Variants in ATP9A observed in about 807,000 individuals in gnomAD.
ATP9A encodes the protein ATPase phospholipid transporting 9A, also known as probable phospholipid-transporting ATPase IIA.
Under a neutral mutation model 144.1 loss-of-function variants are expected in ATP9A, and 52 were observed. That is an observed-to-expected ratio of 0.36 (90% CI 0.29 to 0.45). The LOEUF (loss-of-function observed/expected upper bound fraction) is 0.45, where lower values mean the gene tolerates loss of function less well. ATP9A is among the 20% of genes least tolerant of loss of function. The probability of loss-of-function intolerance (pLI) is 1.00; values close to 1 mark genes in which losing one functional copy is unlikely to be tolerated. For missense variants in ATP9A, 947 were observed against 1,392.7 expected, an observed-to-expected ratio of 0.68 and a Z score of 5.09; for synonymous variants, 582 against 557.4, an observed-to-expected ratio of 1.04 and a Z score of -0.62.
intron 9 of ATP9A, among the ~76,000 whole-genome samples, chr20:51,678,758 C>T (rs951152313): frequency 6.6e-6 from 1 of 152,206 alleles, no homozygotes; most frequent in African/African-American, 2.4e-5. Flanking sequence ...GCCCCAGTAA[C>T]AAGGGGGACC....
In ATP9A at chr20:51,674,320, G is replaced by T. The variant is rs1396652820; in HGVS notation, c.877-7C>A. ...CCAAGTCGAACAGGCCGATCTGTGGGACGAAGCACAAACCAGGGCTTGAGA... is the reference window on the plus strand; with the variant it reads ...CCAAGTCGAACAGGCCGATCTGTGGTACGAAGCACAAACCAGGGCTTGAGA... On this transcript the variant is annotated splice_region_variant and splice_polypyrimidine_tract_variant and intron_variant, in intron 10 of 27. Transcript: ENST00000338821. 2 of 1,612,502 alleles carry T rather than the reference G, an allele frequency of 1.2e-6. No homozygotes were observed. Among genetic ancestry groups the T allele is most frequent in the East Asian group, 4.5e-5 (2 of 44,848 alleles).
chr20:51,741,777 G>T (rs1012056610), intron 1 of ATP9A, among the ~76,000 whole-genome samples: 3 of 152,000 alleles, frequency 2.0e-5, no homozygotes, highest in Non-Finnish European at 4.4e-5. Flanking sequence ...AGGCAATTTT[G>T]CACCCCCAGG....
rs1568806115 is a variant in ATP9A at position 51,656,991 on chromosome 20, C to T, written c.1453G>A (p.Glu485Lys). 2.5e-6 allele frequency: 4 copies of T among 1,614,084 alleles called. No homozygotes were observed. The highest frequency in any genetic ancestry group is 3.4e-6 in the Non-Finnish European group (4 of 1,180,046). Reference sequence around the variant, plus strand: ...CGGCAGGAGTCTTCGTACTGCTTCTCGGCCTCAGCCTGATCAGTCACACCG... The same window carrying T: ...CGGCAGGAGTCTTCGTACTGCTTCTTGGCCTCAGCCTGATCAGTCACACCG... Reference protein sequence around the residue: ...SNGVTDQAEAEKQYEDSCRVY... With the variant: ...SNGVTDQAEAKKQYEDSCRVY... The change falls in exon 14 of 28, where the codon GAG becomes AAG. Residue 485 changes from glutamate (E) to lysine (K), a missense_variant. Coordinates refer to ENST00000338821, the MANE Select transcript of ATP9A (RefSeq NM_006045.3).
intron 19 of ATP9A, among the ~76,000 whole-genome samples, chr20:51,621,372 AG>A (rs2077226371): frequency 6.6e-6 from 1 of 152,094 alleles, no homozygotes; most frequent in African/African-American, 2.4e-5. Flanking sequence ...AGGCGGGGTG[AG>A]GGCGAGACCC....
chr20:51,675,542 AACAC>A (rs2077473324), intron 10 of ATP9A, among the ~76,000 whole-genome samples: 1 of 152,236 alleles, frequency 6.6e-6, no homozygotes, highest in Admixed American at 6.5e-5. Flanking sequence ...TGAAGGGTGA[AACAC>A]AAGGCGTGCA....
At chr20:51,734,003 G>T (rs1429039386) in intron 1 of ATP9A, among the ~76,000 whole-genome samples, 1 of 151,906 alleles carries the variant, frequency 6.6e-6, no homozygotes, top group Non-Finnish European at 1.5e-5. Flanking sequence ...TTAAGATGGG[G>T]TCTCACTCTG....
rs1568853697 is a variant in ATP9A at position 51,768,313 on chromosome 20, C to G, written c.57G>C (p.Arg19Ser). The change falls in exon 1 of 28, where the codon AGG becomes AGC. Residue 19 changes from arginine to serine, a missense_variant. Arg to Ser is a moderately radical substitution (Grantham distance 110, BLOSUM62 -1). This residue lies in a region of ATP9A where 770 missense variants were observed against 1,047.9 expected (regional missense o/e 0.73). Transcript: ENST00000338821. ...PVRQKKRMDS[R>S]PRAGCCEWLR... Reference sequence around the variant, plus strand: ...CCAGGCCCACTCACCCGGCGCGGGGCCTGCTGTCCATCCGCTTCTTCTGGC... The same window carrying G: ...CCAGGCCCACTCACCCGGCGCGGGGGCTGCTGTCCATCCGCTTCTTCTGGC... 1.5e-6 allele frequency: 2 copies of G among 1,309,862 alleles called. No individual in the cohort carries two copies. Among genetic ancestry groups the G allele is most frequent in the East Asian group, 3.2e-5 (1 of 31,370 alleles). The allele number at this position is 1,309,862 out of a possible 1,614,324, so 81.1% of individuals were successfully genotyped here.
chr20:51,710,285 A>G (rs1601119425), intron 4 of ATP9A, among the ~76,000 whole-genome samples: 1 of 150,704 alleles, frequency 6.6e-6, no homozygotes, highest in Non-Finnish European at 1.5e-5. Context: ...CTTGGGCAAC[A>G]AGAGCGAAAC....
chr20:51,761,074 T>G (rs1209730653), intron 1 of ATP9A, among the ~76,000 whole-genome samples: 2 of 152,154 alleles, frequency 1.3e-5, no homozygotes, highest in East Asian at 3.9e-4. Flanking sequence ...GAGTCCTACC[T>G]AACACCACCT....
intron 18 of ATP9A, among the ~76,000 whole-genome samples, chr20:51,624,545 T>C (rs898626293): frequency 6.6e-6 from 1 of 152,090 alleles, no homozygotes; most frequent in African/African-American, 2.4e-5. Flanking sequence ...GGTCACTCAC[T>C]CACTTGGCCA....
At chr20:51,618,557 C>CT (rs2077212806) in intron 21 of ATP9A, 105 bp downstream of exon 21, 3 of 1,455,446 alleles carry the variant, frequency 2.1e-6, no homozygotes, top group Non-Finnish European at 2.7e-6. Context: ...ACAAAGGGGC[C>CT]TGGGGAATTT....
In ATP9A at chr20:51,599,069, G is replaced by A. The variant is rs1451042202; in HGVS notation, c.*2142C>T. 6.6e-6 allele frequency: 1 copy of A among 152,202 alleles called. No individual in the cohort carries two copies. The highest frequency in any genetic ancestry group is 1.5e-5 in the Non-Finnish European group (1 of 68,040). The allele number at this position is 152,202 out of a possible 1,614,324, so 9.4% of individuals were successfully genotyped here. On this transcript the variant is annotated 3_prime_UTR_variant, in exon 28 of 28. Coordinates refer to ENST00000338821, the MANE Select transcript of ATP9A (RefSeq NM_006045.3). Reference sequence around the variant, plus strand: ...ACTTGTGCACCTCAATCAAAATTGAGAATTAAGGAAAAGGCCAGGGAGACC... The same window carrying A: ...ACTTGTGCACCTCAATCAAAATTGAAAATTAAGGAAAAGGCCAGGGAGACC...
chr20:51,725,080 A>T (rs1322750738), intron 3 of ATP9A, among the ~76,000 whole-genome samples: 1 of 152,084 alleles, frequency 6.6e-6, no homozygotes, highest in East Asian at 1.9e-4. Flanking sequence ...GTTAGTGCTC[A>T]AAAGTTTTAG....
At chr20:51,658,668 C>T (rs568379454) in intron 13 of ATP9A, among the ~76,000 whole-genome samples, 20 of 151,664 alleles carry the variant, frequency 1.3e-4, no homozygotes, top group South Asian at 1.3e-3. Context: ...TACAGGCGCC[C>T]GCCACCAAGC....
chr20:51,713,203 A>G, intron 3 of ATP9A, 129 bp from the exon 4 acceptor site: 1 of 776,098 alleles, frequency 1.3e-6, no homozygotes. Context: ...AGGACCTGTG[A>G]GTTATTCCAA....
intron 4 of ATP9A, among the ~76,000 whole-genome samples, chr20:51,712,247 T>G (rs1241734069): frequency 6.6e-6 from 1 of 152,206 alleles, no homozygotes; most frequent in Non-Finnish European, 1.5e-5. Flanking sequence ...TAATTTTTTT[T>G]GTATTTTTAG....
rs749228278 is a variant in ATP9A at position 51,601,164 on chromosome 20, C to T, written c.*47G>A. On this transcript the variant is annotated 3_prime_UTR_variant, in exon 28 of 28. Coordinates refer to ENST00000338821, the MANE Select transcript of ATP9A (RefSeq NM_006045.3). Reference sequence around the variant, plus strand: ...ATATAAATGGAACTTGAGCTCTGTCCATCAGGGAAGCGCCAAGACCAGGGC... The same window carrying T: ...ATATAAATGGAACTTGAGCTCTGTCTATCAGGGAAGCGCCAAGACCAGGGC... The T allele has an allele frequency of 1.9e-6, 3 of 1,539,842 alleles. No homozygotes were observed. In the Admixed American group the frequency reaches 6.2e-5, roughly 32 times the overall value.
rs117834631 is a variant in ATP9A, at chr20:51,741,484, G to A, written c.69-11506C>T. ...CTCAGCTACTCAGGGGGCTGACACA[G>A]GACAATCGCTTGAACCTGGGAGGCT... On this transcript the variant is annotated intron_variant, in intron 1 of 27. Transcript: ENST00000338821. Among the ~76,000 whole-genome samples, 149 of 152,190 alleles carry A rather than the reference G, an allele frequency of 9.8e-4. 3 individuals carry two copies. In the East Asian group the frequency reaches 0.021, roughly 21 times the overall value.
At chr20:51,696,629 G>A (rs912161245) in intron 5 of ATP9A, among the ~76,000 whole-genome samples, 7 of 152,190 alleles carry the variant, frequency 4.6e-5, no homozygotes, top group Non-Finnish European at 1.0e-4. Flanking sequence ...GGTGTGGGGA[G>A]CCAGTAGCCC....
Sources: allele counts gnomAD v4.1 joint callset (sites outside exome capture counted in the v4.1 genomes callset), GRCh38; gene constraint gnomAD v4.1.1; regional missense constraint gnomAD v4.1.1; transcripts MANE v1.5; gene names NCBI Gene and HGNC (gene_info 2026-07-23, HGNC 2026-07-21).